The following CD80 variants were observed in gnomAD, a reference collection of about 807,000 sequenced individuals.
CD80 encodes CD80 molecule.
CD80 carries 13 observed loss-of-function variants against 27.1 expected under a neutral mutation model. That is an observed-to-expected ratio of 0.48 (90% CI 0.31 to 0.76). The LOEUF is 0.76. CD80 is among the 30% of genes least tolerant of loss of function. CD80 has a pLI of 0.04. For synonymous variants in CD80, 125 were observed against 125.5 expected, an observed-to-expected ratio of 1.00 and a Z score of 0.03; for missense variants, 277 against 347.9, an observed-to-expected ratio of 0.80 and a Z score of 1.62.
chr3:119,557,846 G>T lies in CD80; in HGVS notation c.-118C>A. The T allele has an allele frequency of 1.8e-6, 1 of 559,848 alleles. No individual in the cohort carries two copies. Among genetic ancestry groups the T allele is most frequent in the Non-Finnish European group, 3.2e-6 (1 of 313,988 alleles). The allele number at this position is 559,848 out of a possible 1,614,324, so 34.7% of individuals were successfully genotyped here. A position where few individuals can be genotyped will look rare whatever the true frequency, so the allele number is the denominator to read the frequency against. ...TGACAATCCAATTGCTCACGTAGAA[G>T]ACCCTCCAGTGATGTTTACAAAACA... On this transcript the variant is annotated 5_prime_UTR_variant, in exon 2 of 7. Coordinates refer to ENST00000264246, the MANE Select transcript of CD80 (RefSeq NM_005191.4).
At chr3:119,552,829 G>T (rs2082241592) in intron 2 of CD80, among the ~76,000 whole-genome samples, 1 of 152,124 alleles carries the variant, frequency 6.6e-6, no homozygotes, top group African/African-American at 2.4e-5. Flanking sequence ...GCCACATATT[G>T]TAAGAAATGT....
intron 4 of CD80, among the ~76,000 whole-genome samples, chr3:119,536,821 G>A (rs1025866019): frequency 9.9e-5 from 15 of 152,226 alleles, no homozygotes; most frequent in African/African-American, 3.4e-4. Flanking sequence ...TTATAATACC[G>A]TATTTTTACT....
intron 1 of CD80, among the ~76,000 whole-genome samples, 167 bp downstream of exon 1, chr3:119,559,273 G>A (rs897782608): frequency 1.3e-5 from 2 of 152,048 alleles, no homozygotes; most frequent in South Asian, 2.1e-4. Flanking sequence ...CAAATATGTC[G>A]GGAAGCCACA....
At chr3:119,536,405 A>G (rs2107741803) in intron 4 of CD80, among the ~76,000 whole-genome samples, 1 of 152,192 alleles carries the variant, frequency 6.6e-6, no homozygotes, top group Admixed American at 6.5e-5. Context: ...TAGTGGCATG[A>G]TCATAGCTCA....
intron 3 of CD80, chr3:119,544,242 T>C (rs980788174): frequency 2.7e-6 from 1 of 366,316 alleles, no homozygotes; most frequent in Non-Finnish European, 5.1e-6. Flanking sequence ...CAAGTGCAGT[T>C]AGTAGCAAGG....
Position 119,529,691 on chromosome 3 carries a change from T to A in CD80, c.796+151A>T, listed in dbSNP as rs1283192782. Reference sequence around the variant, plus strand: ...ATGTCCAGTGAATGAACAGAACTTGTTGAGACAAGTAAAGGAGATGCTCAT... The same window carrying A: ...ATGTCCAGTGAATGAACAGAACTTGATGAGACAAGTAAAGGAGATGCTCAT... On this transcript the variant is annotated intron_variant, in intron 5 of 6. Transcript: ENST00000264246. 3.8e-5 allele frequency: 23 copies of A among 600,472 alleles called. No homozygotes were observed. In the Admixed American group the frequency reaches 6.4e-4, roughly 17 times the overall value. The allele number at this position is 600,472 out of a possible 1,614,324, so 37.2% of individuals were successfully genotyped here.
chr3:119,546,450 A>T lies in CD80; in HGVS notation c.101-1583T>A, dbSNP rs1383215036. On this transcript the variant is annotated intron_variant, in intron 2 of 6. Transcript: ENST00000264246. ...ATTTTCCCCATTTTGCAGCTGAGAC[A>T]ACTGAGAGATTGAGAGGTTCAGGAA... Among the ~76,000 whole-genome samples, 3 of 152,160 alleles carry T rather than the reference A, an allele frequency of 2.0e-5. No individual in the cohort carries two copies. The East Asian group carries it at 5.8e-4, about 29-fold the overall frequency.
intron 3 of CD80, among the ~76,000 whole-genome samples, chr3:119,539,007 G>A (rs2082154012): frequency 6.6e-6 from 1 of 152,118 alleles, no homozygotes; most frequent in East Asian, 1.9e-4. Flanking sequence ...TTTCTGGATG[G>A]GTTTTCCCCT....
At chr3:119,539,488 C>A (rs2082156139) in intron 3 of CD80, among the ~76,000 whole-genome samples, 1 of 151,880 alleles carries the variant, frequency 6.6e-6, no homozygotes, top group Non-Finnish European at 1.5e-5. Context: ...GAGCCTATAA[C>A]CTCATTCACC....
At chr3:119,535,388 T>C (rs1022284150) in intron 4 of CD80, among the ~76,000 whole-genome samples, 1 of 152,174 alleles carries the variant, frequency 6.6e-6, no homozygotes, top group African/African-American at 2.4e-5. Flanking sequence ...CAGTGTTTTG[T>C]TTCTTACTAT....
At chr3:119,551,771 A>G (rs557525169) in intron 2 of CD80, among the ~76,000 whole-genome samples, 5 of 152,344 alleles carry the variant, frequency 3.3e-5, no homozygotes, top group African/African-American at 1.2e-4. Context: ...AGAATGCTCT[A>G]CAGATTTTAA....
rs138239374 is a variant in CD80 at position 119,546,478 on chromosome 3, C to G, written c.101-1611G>C. On this transcript the variant is annotated intron_variant, in intron 2 of 6. Transcript: ENST00000264246. The stretch of plus-strand genomic sequence containing the variant: ...TGAGAGATTGAGAGGTTCAGGAAGT[C>G]TAGGACAGGGCAGGTCAGCCTGAGA... Among the ~76,000 whole-genome samples the G allele has an allele frequency of 7.5e-3, 1,134 of 152,192 alleles. 25 individuals carry two copies. The highest frequency in any genetic ancestry group is 0.061 in the South Asian group (295 of 4,812).
At chr3:119,559,332 G>A (rs1242017077) in intron 1 of CD80, 108 bp downstream of exon 1, 1 of 152,170 alleles carries the variant, frequency 6.6e-6, no homozygotes, top group Non-Finnish European at 1.5e-5. Context: ...GGCAAGCCTG[G>A]ATCCAGGAGG....
At chr3:119,536,417 T>A (rs979714889) in intron 4 of CD80, among the ~76,000 whole-genome samples, 9 of 152,186 alleles carry the variant, frequency 5.9e-5, no homozygotes, top group Admixed American at 4.6e-4. Flanking sequence ...CATAGCTCAC[T>A]GCAACTTTGA....
chr3:119,551,648 G>A (rs2107747315), intron 2 of CD80, among the ~76,000 whole-genome samples: 1 of 152,304 alleles, frequency 6.6e-6, no homozygotes, highest in East Asian at 1.9e-4. Context: ...ATTACCCAAT[G>A]TCAGGTATTC....
chr3:119,548,785 C>G (rs543136987), intron 2 of CD80, among the ~76,000 whole-genome samples: 59 of 152,218 alleles, frequency 3.9e-4, no homozygotes, highest in Non-Finnish European at 7.6e-4. Flanking sequence ...GCCTGTAATC[C>G]CAGCACTTTG....
intron 2 of CD80, among the ~76,000 whole-genome samples, chr3:119,547,258 G>A (rs888867332): frequency 3.9e-4 from 59 of 152,210 alleles, no homozygotes; most frequent in African/African-American, 1.4e-3. Flanking sequence ...TTATTATGAA[G>A]ATTAAATGAG....
At position 119,535,148 on chromosome 3, in the gene CD80, C is replaced by T. The variant is rs761277899; in HGVS notation, c.700+1989G>A. Among the ~76,000 whole-genome samples, 19 of 150,848 alleles carry T rather than the reference C, an allele frequency of 1.3e-4. 1 individual carries two copies. Among genetic ancestry groups the T allele is most frequent in the African/African-American group, 2.4e-4 (10 of 40,900 alleles). On this transcript the variant is annotated intron_variant, in intron 4 of 6. Transcript: ENST00000264246. ...CGGAGGTTACAGTGAGCCAAGATCA[C>T]GCCACTGCACTCCAGCCTGGGTGAC...
intron 2 of CD80, among the ~76,000 whole-genome samples, chr3:119,548,912 C>A (rs1182860343): frequency 6.6e-6 from 1 of 152,176 alleles, no homozygotes; most frequent in African/African-American, 2.4e-5. Flanking sequence ...TGGGACACAC[C>A]TGTAATCCCA....
Sources: allele counts gnomAD v4.1 joint callset (sites outside exome capture counted in the v4.1 genomes callset), GRCh38; gene constraint gnomAD v4.1.1; transcripts MANE v1.5; gene names NCBI Gene and HGNC (gene_info 2026-07-23, HGNC 2026-07-21).